The following ADAM33 variants were observed in gnomAD, a reference collection of about 807,000 sequenced individuals.
ADAM33 encodes the protein ADAM metallopeptidase domain 33, also known as disintegrin and metalloproteinase domain-containing protein 33.
In ADAM33, 103 loss-of-function variants were observed where a neutral mutation model predicts 106.2. The ratio of observed to expected loss-of-function variants is 0.97; its 90% CI spans 0.83 to 1.14. ADAM33 has a LOEUF of 1.14. Among genes scored for constraint, ADAM33 ranks in the 50% most tolerant of loss-of-function variants. ADAM33 has a pLI of 0.00. For synonymous variants in ADAM33, 483 were observed against 453.0 expected, an observed-to-expected ratio of 1.07 and a Z score of -0.84; for missense variants, 1,120 against 1,096.6, an observed-to-expected ratio of 1.02 and a Z score of -0.30.
chr20:3,673,788 C>G lies in ADAM33; in HGVS notation c.862G>C (p.Gly288Arg), dbSNP rs2087740764. Residue 288 changes from glycine to arginine, a missense_variant, in exon 9 of 22, where the codon GGG becomes CGG. Coordinates refer to ENST00000356518, the MANE Select transcript of ADAM33 (RefSeq NM_025220.5). ...TCGTGGGGCCGCTGCGCCCACAGCC[C>G]CCGGCGCCACTGCAGGAAGGCCCAG... The part of the protein sequence containing the change: ...TLWAFLQWRR[G>R]LWAQRPHDSA... The G allele has an allele frequency of 1.3e-6, 2 of 1,535,276 alleles. No individual in the cohort carries two copies. The highest frequency in any genetic ancestry group is 4.0e-5 in the Admixed American group (2 of 50,598).
intron 3 of ADAM33, among the ~76,000 whole-genome samples, chr20:3,676,090 G>A (rs903765531): frequency 5.9e-5 from 9 of 152,224 alleles, no homozygotes; most frequent in African/African-American, 1.9e-4. Context: ...CAGCGCCTGC[G>A]GTCAAGCACT....
In ADAM33 at chr20:3,675,214, A is replaced by G; in HGVS notation, c.255-109T>C. 1 of 788,790 alleles carries G rather than the reference A, an allele frequency of 1.3e-6. No individual in the cohort carries two copies. Among genetic ancestry groups the G allele is most frequent in the South Asian group, 1.7e-5 (1 of 60,586 alleles). 48.9% of individuals were successfully genotyped at this position (788,790 alleles called of 1,614,324 possible). The stretch of plus-strand genomic sequence containing the variant: ...CTAATGGAGCAGCTTTATGAGTGAG[A>G]CACTCACAGTGTGTCTTAGGGAAGG... On this transcript the variant is annotated intron_variant, in intron 3 of 21. Coordinates refer to ENST00000356518, the MANE Select transcript of ADAM33 (RefSeq NM_025220.5). The surrounding 1 kb of genome is among the most constrained non-coding windows in gnomAD (Gnocchi z 4.1).
In ADAM33 at chr20:3,671,991, G is replaced by A. The variant is rs1178894657; in HGVS notation, c.1598-6C>T. On this transcript the variant is annotated splice_region_variant and splice_polypyrimidine_tract_variant and intron_variant, in intron 14 of 21. Transcript: ENST00000356518. ...CTCGGGAGCTGGGTGGGAGCCTGAG[G>A]AAGCATGGGCCAGGCTGGGGGCAGC... The A allele has an allele frequency of 2.1e-5, 33 of 1,554,590 alleles. No homozygotes were observed. Among genetic ancestry groups the A allele is most frequent in the Non-Finnish European group, 2.7e-5 (31 of 1,149,036 alleles).
chr20:3,673,562 C>G lies in ADAM33; in HGVS notation c.990+12G>C. 1 of 1,395,944 alleles carries G rather than the reference C, an allele frequency of 7.2e-7. No individual in the cohort carries two copies. The highest frequency in any genetic ancestry group is 9.2e-7 in the Non-Finnish European group (1 of 1,081,622). 86.5% of individuals were successfully genotyped at this position (1,395,944 alleles called of 1,614,324 possible). On this transcript the variant is annotated intron_variant, in intron 10 of 21. Coordinates refer to ENST00000356518, the MANE Select transcript of ADAM33 (RefSeq NM_025220.5). ...CTCCTGTCTCTCCCTCGCCCCCGCCCGCGGGGCTCACCGTGCTCACGCCTC... is the reference window on the plus strand; with the variant it reads ...CTCCTGTCTCTCCCTCGCCCCCGCCGGCGGGGCTCACCGTGCTCACGCCTC...
At position 3,673,561 on chromosome 20, in the gene ADAM33, C is replaced by T; in HGVS notation, c.990+13G>A. 2 of 1,396,798 alleles carry T rather than the reference C, an allele frequency of 1.4e-6. No individual in the cohort carries two copies. Among genetic ancestry groups the T allele is most frequent in the Non-Finnish European group, 1.8e-6 (2 of 1,082,034 alleles). The allele number at this position is 1,396,798 out of a possible 1,614,324, so 86.5% of individuals were successfully genotyped here. ...CCTCCTGTCTCTCCCTCGCCCCCGCCCGCGGGGCTCACCGTGCTCACGCCT... is the reference window on the plus strand; with the variant it reads ...CCTCCTGTCTCTCCCTCGCCCCCGCTCGCGGGGCTCACCGTGCTCACGCCT... On this transcript the variant is annotated intron_variant, in intron 10 of 21. Transcript: ENST00000356518.
At position 3,671,228 on chromosome 20, in the gene ADAM33, C is replaced by G; in HGVS notation, c.2092+9G>C. On this transcript the variant is annotated intron_variant, in intron 18 of 21. Transcript: ENST00000356518. Reference sequence around the variant, plus strand: ...CCAGCTCCTGCCCACATGCCCCCCACTGGCATACTTTCAGCCTGCACAGGG... The same window carrying G: ...CCAGCTCCTGCCCACATGCCCCCCAGTGGCATACTTTCAGCCTGCACAGGG... 6.2e-7 allele frequency: 1 copy of G among 1,613,490 alleles called. No homozygotes were observed. Among genetic ancestry groups the G allele is most frequent in the Non-Finnish European group, 8.5e-7 (1 of 1,179,628 alleles).
rs748487562 is a variant in ADAM33 at position 3,672,121 on chromosome 20, C to G, written c.1597+13G>C. On this transcript the variant is annotated intron_variant, in intron 14 of 21. Transcript: ENST00000356518. Reference sequence around the variant, plus strand: ...ATGGGGGGCAGGGTGCAAGGGTGCTCGTGTCCTCTCACCAGGCCCCCAGAG... The same window carrying G: ...ATGGGGGGCAGGGTGCAAGGGTGCTGGTGTCCTCTCACCAGGCCCCCAGAG... 1.5e-5 allele frequency: 24 copies of G among 1,605,628 alleles called. No individual in the cohort carries two copies. Among genetic ancestry groups the G allele is most frequent in the Non-Finnish European group, 2.0e-5 (23 of 1,175,566 alleles).
At position 3,671,090 on chromosome 20, in the gene ADAM33, C is replaced by T; in HGVS notation, c.2156G>A (p.Gly719Asp). 6.3e-7 allele frequency: 1 copy of T among 1,589,204 alleles called. No homozygotes were observed. ...SVLLPLLPGA[G>D]LAWCCYRLPG... ...GAGTCGGTAGCAACACCAGGCCAGG[C>T]CGGCCCCTGGGAGCAGAGGCAGCAG... Residue 719 changes from glycine (G) to aspartate (D), a missense_variant, in exon 19 of 22, where the codon GGC becomes GAC. Physicochemically the swap from Gly to Asp is moderately conservative, Grantham distance 94. Coordinates refer to ENST00000356518, the MANE Select transcript of ADAM33 (RefSeq NM_025220.5).
intron 9 of ADAM33, 22 bp downstream of exon 9, chr20:3,673,723 C>T (rs1208281873): frequency 1.0e-5 from 14 of 1,401,876 alleles, no homozygotes; most frequent in Non-Finnish European, 1.2e-5. Flanking sequence ...CCGGGACCCG[C>T]GTCCGGGTCA....
chr20:3,680,255 G>GC (rs4987244), intron 1 of ADAM33, among the ~76,000 whole-genome samples: 82,277 of 151,786 alleles, frequency 0.54, 22,801 homozygotes, highest in African/African-American at 0.64. Flanking sequence ...AATGCTCCCA[G>GC]CCCTCCACTG....
In ADAM33 at chr20:3,674,227, G is replaced by A; in HGVS notation, c.658C>T (p.His220Tyr). 6.2e-7 allele frequency: 1 copy of A among 1,614,096 alleles called. No homozygotes were observed. Among genetic ancestry groups the A allele is most frequent in the Non-Finnish European group, 8.5e-7 (1 of 1,180,032 alleles). Reference sequence around the variant, plus strand: ...CTGGGGTCTCTCCTCACCAGGGTGTGGTCTGCCACAATGTACAGTTCCAGG... The same window carrying A: ...CTGGGGTCTCTCCTCACCAGGGTGTAGTCTGCCACAATGTACAGTTCCAGG... ...KYLELYIVAD[H>Y]TLFLTRHRNL... Residue 220 changes from histidine (H) to tyrosine (Y), a missense_variant, in exon 7 of 22, where the codon CAC becomes TAC. Physicochemically the swap from His to Tyr is moderately conservative, Grantham distance 83. Coordinates refer to ENST00000356518, the MANE Select transcript of ADAM33 (RefSeq NM_025220.5).
chr20:3,681,891 C>G lies in ADAM33; in HGVS notation c.97+17G>C, dbSNP rs759829125. On this transcript the variant is annotated intron_variant, in intron 1 of 21. Coordinates refer to ENST00000356518, the MANE Select transcript of ADAM33 (RefSeq NM_025220.5). ...GCCTAGCCTGCCCCTCAGGGCGCAC[C>G]CCGCCCGCGTCCTCACCTTGAAGCA... 3.1e-6 allele frequency: 5 copies of G among 1,595,472 alleles called. No individual in the cohort carries two copies. In the South Asian group the frequency reaches 5.6e-5, roughly 18 times the overall value.
intron 1 of ADAM33, among the ~76,000 whole-genome samples, chr20:3,680,175 G>A (rs2088360532): frequency 6.6e-6 from 1 of 152,074 alleles, no homozygotes; most frequent in Non-Finnish European, 1.5e-5. Flanking sequence ...GGCCGGGTGT[G>A]CCTAAGGGGG....
chr20:3,674,162 T>C (rs1312783707), intron 7 of ADAM33, 27 bp from the exon 8 acceptor site: 1 of 1,614,144 alleles, frequency 6.2e-7, no homozygotes, highest in East Asian at 2.2e-5. Flanking sequence ...CCCGGTGGCT[T>C]GAGGGGCTGA....
chr20:3,672,093 A>G (rs2087574074), intron 14 of ADAM33, 41 bp downstream of exon 14: 2 of 1,596,056 alleles, frequency 1.3e-6, no homozygotes, highest in Admixed American at 1.7e-5. Context: ...GCCCCACCAG[A>G]GGATGGGGGG....
rs758149776 is a variant in ADAM33 at position 3,675,022 on chromosome 20, C to T, written c.333+5G>A. 12 of 1,613,410 alleles carry T rather than the reference C, an allele frequency of 7.4e-6. No homozygotes were observed. The highest frequency in any genetic ancestry group is 1.0e-5 in the Non-Finnish European group (12 of 1,179,892). ...TGCATCCCAGAGCCCATGGAAGCAT[C>T]TCACCGTGTGGTTGGGGGCCAGCAC... On this transcript the variant is annotated splice_donor_5th_base_variant and intron_variant, in intron 4 of 21. Coordinates refer to ENST00000356518, the MANE Select transcript of ADAM33 (RefSeq NM_025220.5). The surrounding 1 kb of genome is among the most constrained non-coding windows in gnomAD (Gnocchi z 4.1).
Position 3,672,253 on chromosome 20 carries a change from G to A in ADAM33, c.1478C>T (p.Ser493Phe), listed in dbSNP as rs773229803. The change falls in exon 14 of 22, where the codon TCC becomes TTC. Residue 493 changes from serine to phenylalanine, a missense_variant. Physicochemically the swap from Ser to Phe is radical, Grantham distance 155 (BLOSUM62 -2). Coordinates refer to ENST00000356518, the MANE Select transcript of ADAM33 (RefSeq NM_025220.5). ...DLPEFCTGTS[S>F]HCPPDVYLLD... ...TAGGTAAACGTCTGGGGGACAGTGG[G>A]AGGAGGTGCCCGTGCAAAACTCAGG... 9.3e-6 allele frequency: 15 copies of A among 1,613,304 alleles called. No homozygotes were observed. The highest frequency in any genetic ancestry group is 1.2e-5 in the Non-Finnish European group (14 of 1,180,036).
chr20:3,681,969 C>T lies in ADAM33; in HGVS notation c.36G>A (p.Pro12=). 1.9e-6 allele frequency: 3 copies of T among 1,548,914 alleles called. No individual in the cohort carries two copies. Among genetic ancestry groups the T allele is most frequent in the African/African-American group, 2.8e-5 (2 of 72,182 alleles). Residue 12 remains proline, a synonymous_variant, in exon 1 of 22, where the codon CCG becomes CCA. Transcript: ENST00000356518. ...GCAGCAGTAGTAGCAGCAGCAGCAA[C>T]GGGGTCCCCCGAGCTCTCCGGGGCC... ...GWRPRRARGT[P]LLLLLLLLLL...
At position 3,670,715 on chromosome 20, in the gene ADAM33, G is replaced by A. The variant is rs41381551; in HGVS notation, c.2240+291C>T. 29 of 409,822 alleles carry A rather than the reference G, an allele frequency of 7.1e-5. No homozygotes were observed. The East Asian group carries it at 1.1e-3, about 16-fold the overall frequency. 25.4% of individuals were successfully genotyped at this position (409,822 alleles called of 1,614,324 possible). On this transcript the variant is annotated intron_variant, in intron 19 of 21. Transcript: ENST00000356518. Reference sequence around the variant, plus strand: ...CAGGGAAAAACAGGGCGAAGTCAAGGGTGAGGCAGCCAGCTGGTGGGAGAA... The same window carrying A: ...CAGGGAAAAACAGGGCGAAGTCAAGAGTGAGGCAGCCAGCTGGTGGGAGAA...
Sources: gnomAD v4.1 joint callset for allele counts (sites outside exome capture counted in the v4.1 genomes callset) on GRCh38, gnomAD v4.1.1 for gene constraint, Gnocchi (gnomAD v3.1) non-coding constraint, MANE v1.5 for transcripts, NCBI Gene and HGNC (gene_info 2026-07-23, HGNC 2026-07-21) for gene names.